Variants in HERC1 observed in about 807,000 individuals in gnomAD.
The protein encoded by HERC1 is HECT and RLD domain containing E3 ubiquitin protein ligase family member 1, also known as probable E3 ubiquitin-protein ligase HERC1.
Under a neutral mutation model 554.3 loss-of-function variants are expected in HERC1, and 160 were observed. The ratio of observed to expected loss-of-function variants is 0.29; its 90% CI spans 0.25 to 0.33. HERC1 has a LOEUF of 0.33. Among genes scored for constraint, HERC1 ranks in the 10% least tolerant of loss-of-function variants. The pLI, the probability that HERC1 is intolerant of heterozygous loss-of-function variation, is 1.00. For synonymous variants in HERC1, 2,175 were observed against 2,131.7 expected (o/e 1.02, Z -0.56); for missense variants, 4,919 against 5,918.5 (o/e 0.83, Z 5.54).
At chr15:63,831,488 C>CTA (rs1297349130) in intron 1 of HERC1, among the ~76,000 whole-genome samples, 1 of 152,206 alleles carries the variant, frequency 6.6e-6, no homozygotes, top group Non-Finnish European at 1.5e-5. Flanking sequence ...AGTTATCCAA[C>CTA]TATAACATTC....
rs2075433355 is a variant in HERC1, at chr15:63,756,864, TC to T, written c.1222-117del. ...GTCTTTTAGCAGGATACGGCATGAT[TC>T]TCCAGAGAGATTAAGGAATATACAG... On this transcript the variant is annotated intron_variant, in intron 4 of 77. Coordinates refer to ENST00000443617, the MANE Select transcript of HERC1 (RefSeq NM_003922.4). This position sits in a 1 kb window ranked among gnomAD's most constrained non-coding sequence, Gnocchi z 5.0. The T allele has an allele frequency of 1.6e-6, 1 of 639,062 alleles. No homozygotes were observed. Among genetic ancestry groups the T allele is most frequent in the African/African-American group, 1.8e-5 (1 of 54,738 alleles). The allele number at this position is 639,062 out of a possible 1,614,324, so 39.6% of individuals were successfully genotyped here.
At chr15:63,789,536 G>A (rs1207610845) in intron 1 of HERC1, among the ~76,000 whole-genome samples, 4 of 151,966 alleles carry the variant, frequency 2.6e-5, no homozygotes, top group South Asian at 4.2e-4. Flanking sequence ...GGTGGCTTAC[G>A]CCTGTGATCC....
rs770282526 is a variant in HERC1 at position 63,756,641 on chromosome 15, C to T, written c.1329G>A (p.Gln443=). ...CGAATGTTAACTTTTTTAAAGTTGA[C>T]TGATTATTGGAGTCTCCAAGGCCCA... is the stretch of plus-strand genomic sequence containing the variant. ...GRLGLGDSNN[Q]STLKKLTFEP... Residue 443 remains glutamine, a synonymous_variant, in exon 5 of 78, where the codon CAG becomes CAA. Transcript: ENST00000443617. The surrounding 1 kb of genome is among the most constrained non-coding windows in gnomAD (Gnocchi z 5.0). 1 of 1,613,414 alleles carries T rather than the reference C, an allele frequency of 6.2e-7. No homozygotes were observed. Among genetic ancestry groups the T allele is most frequent in the Admixed American group, 1.7e-5 (1 of 59,980 alleles).
intron 1 of HERC1, among the ~76,000 whole-genome samples, chr15:63,799,500 TA>T (rs886494086): frequency 2.5e-3 from 347 of 138,536 alleles, no homozygotes; most frequent in Admixed American, 2.6e-3. Context: ...ACTCTGCCTC[TA>T]AAAAAAAAAA....
intron 18 of HERC1, among the ~76,000 whole-genome samples, chr15:63,724,952 T>A (rs1179875752): frequency 2.0e-5 from 3 of 152,180 alleles, no homozygotes; most frequent in Non-Finnish European, 4.4e-5. Context: ...TAAGTACTCT[T>A]ACAGTGCTTT....
At chr15:63,742,580 A>G (rs1334721379) in intron 12 of HERC1, among the ~76,000 whole-genome samples, 1 of 152,158 alleles carries the variant, frequency 6.6e-6, no homozygotes, top group African/African-American at 2.4e-5. Context: ...GTCTTTCTCC[A>G]TTGAATATGA....
At chr15:63,740,192 G>A (rs142126832) in intron 12 of HERC1, among the ~76,000 whole-genome samples, 1 of 152,270 alleles carries the variant, frequency 6.6e-6, no homozygotes, top group East Asian at 1.9e-4. Context: ...TTACAGGTGT[G>A]GGCCACTGCA....
At position 63,694,980 on chromosome 15, in the gene HERC1, C is replaced by A; in HGVS notation, c.5122-86G>T. 1.2e-5 allele frequency: 14 copies of A among 1,208,948 alleles called. No homozygotes were observed. Among genetic ancestry groups the A allele is most frequent in the Non-Finnish European group, 1.4e-5 (12 of 865,372 alleles). The allele number at this position is 1,208,948 out of a possible 1,614,324, so 74.9% of individuals were successfully genotyped here. On this transcript the variant is annotated intron_variant, in intron 27 of 77. Coordinates refer to ENST00000443617, the MANE Select transcript of HERC1 (RefSeq NM_003922.4). This position sits in a 1 kb window ranked among gnomAD's most constrained non-coding sequence, Gnocchi z 4.3. ...GAAGTAATAACATTTTATTTCTAGTCTATGCTAGAGCCTTACGATGGTTTT... is the reference window on the plus strand; with the variant it reads ...GAAGTAATAACATTTTATTTCTAGTATATGCTAGAGCCTTACGATGGTTTT...
At chr15:63,755,129 T>C (rs892370000) in intron 6 of HERC1, 100 bp downstream of exon 6, 7 of 755,248 alleles carry the variant, frequency 9.3e-6, no homozygotes, top group Non-Finnish European at 4.5e-6. Flanking sequence ...ACAAAATAAA[T>C]GACAGTCTTT....
At chr15:63,820,591 G>A (rs189331788) in intron 1 of HERC1, among the ~76,000 whole-genome samples, 32 of 152,136 alleles carry the variant, frequency 2.1e-4, no homozygotes, top group East Asian at 1.3e-3. Context: ...CTTAAAATAC[G>A]GCAAAACTTT....
intron 1 of HERC1, among the ~76,000 whole-genome samples, chr15:63,789,829 T>TAAATAAATAAATAAAC (rs1377883956): frequency 7.3e-5 from 11 of 150,518 alleles, no homozygotes; most frequent in Admixed American, 4.6e-4. Context: ...AATAAATAAA[T>TAAATAAATAAATAAAC]AAATAAATGT....
At chr15:63,744,164 G>GTGTGTGTGTCTCTCTCTCTCTCTC in intron 12 of HERC1, among the ~76,000 whole-genome samples, 23 of 46,296 alleles carry the variant, frequency 5.0e-4, no homozygotes, top group Non-Finnish European at 6.8e-4. Context: ...GTGTGTGTGT[G>GTGTGTGTGTCTCTCTCTCTCTCTC]TCTCTCTCTC....
chr15:63,647,186 G>A (rs1211860305), intron 55 of HERC1, among the ~76,000 whole-genome samples: 1 of 151,706 alleles, frequency 6.6e-6, no homozygotes. Flanking sequence ...CCTGGGGGTT[G>A]GAAATTGCAG....
intron 1 of HERC1, chr15:63,780,668 G>C (rs1237582605): frequency 2.0e-5 from 3 of 151,984 alleles, no homozygotes; most frequent in African/African-American, 7.3e-5. Flanking sequence ...GTTACGGTGA[G>C]CCAAGATCGT....
chr15:63,792,785 A>G (rs551527011), intron 1 of HERC1, among the ~76,000 whole-genome samples: 1 of 152,166 alleles, frequency 6.6e-6, no homozygotes, highest in Non-Finnish European at 1.5e-5. Context: ...CAGTTATGAC[A>G]CTACTTACCA....
At chr15:63,647,314 A>G (rs2069407161) in intron 55 of HERC1, among the ~76,000 whole-genome samples, 1 of 151,890 alleles carries the variant, frequency 6.6e-6, no homozygotes, top group South Asian at 2.1e-4. Flanking sequence ...ATCTCACCCC[A>G]GTCAGGATGG....
rs183519177 is a variant in HERC1 at position 63,698,788 on chromosome 15, A to G, written c.4845T>C (p.Ser1615=). The change falls in exon 26 of 78, where the codon AGT becomes AGC. Residue 1615 remains serine, a synonymous_variant. Transcript: ENST00000443617. ...TGGAGGCCTGGGGACTTGTAGACAT[A>G]CTTTCCTCTGGCTCTTTAAAACCTG... ...NAPGFKEPEE[S]MSTSPQASII... is the part of the protein sequence containing the mutation. 4.0e-4 allele frequency: 643 copies of G among 1,613,912 alleles called. 1 individual carries two copies. In the African/African-American group the frequency reaches 6.3e-3, roughly 16 times the overall value.
intron 52 of HERC1, 123 bp downstream of exon 52, chr15:63,652,291 T>C (rs2069733182): frequency 8.5e-6 from 6 of 707,478 alleles, no homozygotes; most frequent in South Asian, 5.2e-5. Flanking sequence ...AATACAGTAA[T>C]ACTAATCTAA....
At chr15:63,793,377 C>T (rs2144331910) in intron 1 of HERC1, among the ~76,000 whole-genome samples, 1 of 152,314 alleles carries the variant, frequency 6.6e-6, no homozygotes, top group Non-Finnish European at 1.5e-5. Context: ...GCTCATTATA[C>T]ACTAATTATA....
Sources: gnomAD v4.1 joint callset for allele counts (sites outside exome capture counted in the v4.1 genomes callset) on GRCh38, gnomAD v4.1.1 for gene constraint, Gnocchi (gnomAD v3.1) non-coding constraint, MANE v1.5 for transcripts, NCBI Gene and HGNC (gene_info 2026-07-23, HGNC 2026-07-21) for gene names.